The following DUSP13B variants were observed in gnomAD, a reference collection of about 807,000 sequenced individuals.
DUSP13B encodes the protein dual specificity phosphatase 13B.
chr10:75,095,298 C>G, the DUSP13B span, among the ~76,000 whole-genome samples: 2 of 152,200 alleles, frequency 1.3e-5, no homozygotes, highest in Non-Finnish European at 2.9e-5. Flanking sequence ...AAGAGCTTCA[C>G]TGGGTCCTAT....
the DUSP13B span, chr10:75,108,201 G>A: frequency 5.0e-6 from 8 of 1,603,378 alleles, no homozygotes; most frequent in African/African-American, 2.7e-5. Context: ...GCGGTTGTTT[G>A]CCGTGGCCCT....
chr10:75,101,129 G>A, the DUSP13B span, among the ~76,000 whole-genome samples: 333 of 152,330 alleles, frequency 2.2e-3, no homozygotes, highest in African/African-American at 7.8e-3. Flanking sequence ...GGCTGCCAGT[G>A]GGGAACAGCT....
chr10:75,094,735 A>C, the DUSP13B span: 1 of 1,614,168 alleles, frequency 6.2e-7, no homozygotes, highest in Non-Finnish European at 8.5e-7. Context: ...TGCCGGAGGA[A>C]GCCTGAGTTA....
chr10:75,106,992 C>A, the DUSP13B span, among the ~76,000 whole-genome samples: 1 of 152,198 alleles, frequency 6.6e-6, no homozygotes, highest in African/African-American at 2.4e-5. Flanking sequence ...CCTCCCTGGG[C>A]TCCTATGCTG....
chr10:75,103,839 G>A, the DUSP13B span: 1 of 1,233,570 alleles, frequency 8.1e-7, no homozygotes, highest in Admixed American at 2.8e-5. Context: ...CAGGGAACTT[G>A]GGGTCCCTGG....
At chr10:75,107,101 C>T in the DUSP13B span, among the ~76,000 whole-genome samples, 11 of 152,230 alleles carry the variant, frequency 7.2e-5, no homozygotes, top group South Asian at 1.7e-3. Context: ...TTTGGGAGGC[C>T]GAGGCAGACA....
the DUSP13B span, chr10:75,109,111 G>T: frequency 6.2e-7 from 1 of 1,611,548 alleles, no homozygotes; most frequent in East Asian, 2.2e-5. Flanking sequence ...GGGGCAAGGC[G>T]TGGCTTTGTC....
chr10:75,105,728 C>A, the DUSP13B span: 2 of 1,554,520 alleles, frequency 1.3e-6, no homozygotes, highest in Non-Finnish European at 1.7e-6. Flanking sequence ...TGCAGGAAGC[C>A]TCGGTTGGGG....
At chr10:75,096,298 C>T in the DUSP13B span, among the ~76,000 whole-genome samples, 1 of 151,690 alleles carries the variant, frequency 6.6e-6, no homozygotes. Flanking sequence ...CTTTTCAGGC[C>T]AGGCACTGTG....
the DUSP13B span, among the ~76,000 whole-genome samples, chr10:75,096,310 C>T: frequency 6.6e-6 from 1 of 152,044 alleles, no homozygotes; most frequent in South Asian, 2.1e-4. Context: ...GGCACTGTGG[C>T]TTATGCCTAT....
chr10:75,095,658 G>A, the DUSP13B span: 1,211 of 1,614,186 alleles, frequency 7.5e-4, 7 homozygotes, highest in Non-Finnish European at 9.1e-4. Flanking sequence ...GTTGTCGTCC[G>A]CCTCGATGCC....
At chr10:75,095,189 T>C in the DUSP13B span, among the ~76,000 whole-genome samples, 2 of 152,208 alleles carry the variant, frequency 1.3e-5, no homozygotes, top group Admixed American at 1.3e-4. Context: ...TTGCATCAGA[T>C]TATAGGGGGT....
chr10:75,097,181 C>A, the DUSP13B span, among the ~76,000 whole-genome samples: 2 of 152,008 alleles, frequency 1.3e-5, no homozygotes, highest in Non-Finnish European at 2.9e-5. Context: ...GCTGTTCATA[C>A]GTGCTCTGTG....
At chr10:75,108,089 G>A in the DUSP13B span, 1 of 1,613,886 alleles carries the variant, frequency 6.2e-7, no homozygotes, top group Non-Finnish European at 8.5e-7. Context: ...GCACCCCCAG[G>A]TAGCTCACAC....
the DUSP13B span, among the ~76,000 whole-genome samples, chr10:75,097,425 G>T: frequency 9.2e-5 from 14 of 152,284 alleles, no homozygotes; most frequent in African/African-American, 3.4e-4. Context: ...GGCCAGGCTG[G>T]TCTCGAACTT....
At chr10:75,101,335 G>A in the DUSP13B span, among the ~76,000 whole-genome samples, 1 of 152,160 alleles carries the variant, frequency 6.6e-6, no homozygotes, top group Admixed American at 6.5e-5. Flanking sequence ...CCCAATAAAT[G>A]GCACGTCTTA....
At chr10:75,104,162 T>G in the DUSP13B span, 1 of 1,199,496 alleles carries the variant, frequency 8.3e-7, no homozygotes, top group Non-Finnish European at 1.1e-6. Flanking sequence ...CTGGGACTTG[T>G]TGGGGCAGGG....
chr10:75,100,691 G>A, the DUSP13B span, among the ~76,000 whole-genome samples: 4 of 152,092 alleles, frequency 2.6e-5, no homozygotes, highest in African/African-American at 2.4e-5. Flanking sequence ...TGCCTCCCCC[G>A]CTCAGCAGAG....
At chr10:75,108,337 C>G in the DUSP13B span, 10 of 1,445,120 alleles carry the variant, frequency 6.9e-6, no homozygotes, top group Non-Finnish European at 7.2e-6. Context: ...CCAGCAAGCT[C>G]CAAGTGGGGT....
Sources: allele counts gnomAD v4.1 joint callset (sites outside exome capture counted in the v4.1 genomes callset), GRCh38; gene constraint gnomAD v4.1.1; transcripts MANE v1.5; gene names NCBI Gene and HGNC (gene_info 2026-07-23, HGNC 2026-07-21).